Variants in GPC5 observed in about 807,000 individuals in gnomAD.
The protein encoded by GPC5 is glypican 5.
Under a neutral mutation model 53.9 loss-of-function variants are expected in GPC5, and 47 were observed. That is an observed-to-expected ratio of 0.87 (90% CI 0.69 to 1.11). The LOEUF is 1.11. Among genes scored for constraint, GPC5 ranks in the 50% most tolerant of loss-of-function variants. The pLI is 0.00. For missense variants in GPC5, 748 were observed against 713.1 expected (o/e 1.05, Z -0.56); for synonymous variants, 286 against 263.3 (o/e 1.09, Z -0.84).
chr13:91,524,155 G>C (rs1179644090), intron 2 of GPC5, among the ~76,000 whole-genome samples: 1 of 151,958 alleles, frequency 6.6e-6, no homozygotes, highest in African/African-American at 2.4e-5. Context: ...TACATCTGTT[G>C]TCTAACCACC....
Position 92,371,595 on chromosome 13 carries a change from T to A in GPC5, c.1561+226606T>A, listed in dbSNP as rs943489353. ...AGCTGGGAAGGACTCAGGAAACTTA[T>A]GATCATGGTGGAAGGTGAGAGAGAA... On this transcript the variant is annotated intron_variant, in intron 7 of 7. Coordinates refer to ENST00000377067, the MANE Select transcript of GPC5 (RefSeq NM_004466.6). Among the ~76,000 whole-genome samples, 5 of 152,150 alleles carry A rather than the reference T, an allele frequency of 3.3e-5. No individual in the cohort carries two copies. In the East Asian group the frequency reaches 9.7e-4, roughly 29 times the overall value.
intron 7 of GPC5, among the ~76,000 whole-genome samples, chr13:92,620,047 T>G (rs773255428): frequency 2.2e-4 from 33 of 152,106 alleles, no homozygotes; most frequent in Non-Finnish European, 4.4e-4. Flanking sequence ...AGAGTTAGTA[T>G]TATTATCCTC....
intron 7 of GPC5, among the ~76,000 whole-genome samples, chr13:92,377,086 C>T (rs1424267409): frequency 6.6e-6 from 1 of 152,088 alleles, no homozygotes; most frequent in Non-Finnish European, 1.5e-5. Context: ...TGTTCTTTAT[C>T]TTTCAAACCT....
At chr13:92,736,807 AT>A (rs11425108) in intron 7 of GPC5, among the ~76,000 whole-genome samples, 1,958 of 148,874 alleles carry the variant, frequency 0.013, 35 homozygotes, top group African/African-American at 0.038. Context: ...GCTGTAGCCT[AT>A]TTTTTTTTTA....
intron 6 of GPC5, among the ~76,000 whole-genome samples, chr13:91,968,949 CT>C (rs981863564): frequency 2.0e-5 from 3 of 151,616 alleles, no homozygotes; most frequent in African/African-American, 7.3e-5. Flanking sequence ...TCTTCTTTCT[CT>C]TTTTTTCTAT....
chr13:91,679,726 A>T (rs1009191514), intron 2 of GPC5, among the ~76,000 whole-genome samples: 2 of 152,338 alleles, frequency 1.3e-5, no homozygotes, highest in African/African-American at 4.8e-5. Flanking sequence ...AAGCCATTGC[A>T]TTTAAGAAAG....
chr13:91,882,058 A>G (rs1290932733), intron 5 of GPC5, among the ~76,000 whole-genome samples: 4 of 152,182 alleles, frequency 2.6e-5, no homozygotes, highest in South Asian at 2.1e-4. Context: ...TATCTTTCTA[A>G]TAATTGATTG....
chr13:92,652,035 G>A (rs776484451), intron 7 of GPC5, among the ~76,000 whole-genome samples: 7 of 152,044 alleles, frequency 4.6e-5, no homozygotes, highest in Non-Finnish European at 8.8e-5. Flanking sequence ...CCAAATATTT[G>A]AAGAGGTACA....
chr13:92,251,471 C>T (rs1339267520), intron 7 of GPC5, among the ~76,000 whole-genome samples: 1 of 152,054 alleles, frequency 6.6e-6, no homozygotes, highest in Non-Finnish European at 1.5e-5. Context: ...TCTTCACTCT[C>T]AATATCTCTG....
chr13:91,754,025 G>A (rs2037235663), intron 4 of GPC5, among the ~76,000 whole-genome samples: 1 of 152,126 alleles, frequency 6.6e-6, no homozygotes, highest in South Asian at 2.1e-4. Flanking sequence ...ATAGATGATG[G>A]TTCATAGAAT....
rs530217702 is a variant in GPC5 at position 92,748,610 on chromosome 13, G to A, written c.1562-117672G>A. Among the ~76,000 whole-genome samples the A allele has an allele frequency of 1.6e-4, 24 of 151,902 alleles. No homozygotes were observed. In the East Asian group the frequency reaches 2.3e-3, roughly 15 times the overall value. On this transcript the variant is annotated intron_variant, in intron 7 of 7. Transcript: ENST00000377067. ...TGCTGGGATTACAGGTGTGAGCCAC[G>A]GCACCTGGCCTGTCATTTTATTCTA... is the stretch of plus-strand genomic sequence containing the variant.
chr13:92,097,608 C>G (rs899211561), intron 6 of GPC5, among the ~76,000 whole-genome samples: 2 of 152,164 alleles, frequency 1.3e-5, no homozygotes, highest in African/African-American at 4.8e-5. Context: ...TATCTGTGGA[C>G]AAGCCTTTGC....
At chr13:92,514,769 T>C (rs1880706218) in intron 7 of GPC5, among the ~76,000 whole-genome samples, 1 of 152,138 alleles carries the variant, frequency 6.6e-6, no homozygotes, top group Admixed American at 6.5e-5. Flanking sequence ...TAGGACAGAA[T>C]TATCTAGTGA....
chr13:92,158,851 G>C (rs1297916826), intron 7 of GPC5, among the ~76,000 whole-genome samples: 1 of 152,010 alleles, frequency 6.6e-6, no homozygotes, highest in Non-Finnish European at 1.5e-5. Context: ...AGGCTGGTTC[G>C]GTATCAAAAT....
At chr13:92,185,578 A>G (rs1190084098) in intron 7 of GPC5, among the ~76,000 whole-genome samples, 3 of 152,130 alleles carry the variant, frequency 2.0e-5, no homozygotes, top group Non-Finnish European at 4.4e-5. Context: ...CACAGAGCTG[A>G]GGCTCTCCAG....
chr13:91,955,626 G>C (rs1275180311), intron 6 of GPC5, among the ~76,000 whole-genome samples: 2 of 152,138 alleles, frequency 1.3e-5, no homozygotes, highest in African/African-American at 4.8e-5. Flanking sequence ...CCCACTCCTA[G>C]CCATGGGAAA....
rs200054651 is a variant in GPC5 at position 92,355,464 on chromosome 13, G to T, written c.1561+210475G>T. Among the ~76,000 whole-genome samples, 3 of 152,064 alleles carry T rather than the reference G, an allele frequency of 2.0e-5. No individual in the cohort carries two copies. In the East Asian group the frequency reaches 5.8e-4, roughly 29 times the overall value. ...GGAGCATTCCTTCTTGATTTGCATT[G>T]CTGCTTACACACCATTGAGCCTCTG... On this transcript the variant is annotated intron_variant, in intron 7 of 7. Transcript: ENST00000377067.
At chr13:91,785,986 A>G (rs575074901) in intron 5 of GPC5, among the ~76,000 whole-genome samples, 5 of 152,022 alleles carry the variant, frequency 3.3e-5, no homozygotes, top group South Asian at 2.1e-4. Flanking sequence ...CTCTACTACA[A>G]TGATTCAAAG....
At chr13:92,237,750 A>G (rs2042580757) in intron 7 of GPC5, among the ~76,000 whole-genome samples, 1 of 152,092 alleles carries the variant, frequency 6.6e-6, no homozygotes, top group African/African-American at 2.4e-5. Flanking sequence ...ATGTTGCACA[A>G]ACACTACCAC....
Sources: gnomAD v4.1 joint callset for allele counts (sites outside exome capture counted in the v4.1 genomes callset) on GRCh38, gnomAD v4.1.1 for gene constraint, MANE v1.5 for transcripts, NCBI Gene and HGNC (gene_info 2026-07-23, HGNC 2026-07-21) for gene names.